Variants in DRC3 observed in about 807,000 individuals in gnomAD.
The protein encoded by DRC3 is leucine rich repeat containing 48.
DRC3 carries 45 observed loss-of-function variants against 57.6 expected under a neutral mutation model. The observed-to-expected ratio is 0.78, with a 90% confidence interval of 0.62 to 1.00. The LOEUF (loss-of-function observed/expected upper bound fraction) is 1.00, where lower values mean the gene tolerates loss of function less well. Among genes scored for constraint, DRC3 ranks in the 50% least tolerant of loss-of-function variants. The pLI is 0.00. For synonymous variants in DRC3, 257 were observed against 272.3 expected (o/e 0.94, Z 0.55); for missense variants, 655 against 675.2 (o/e 0.97, Z 0.33).
chr17:18,013,363 AC>A (rs1261220624), intron 12 of DRC3, among the ~76,000 whole-genome samples: 1 of 152,220 alleles, frequency 6.6e-6, no homozygotes, highest in African/African-American at 2.4e-5. Context: ...TTACTGCAGC[AC>A]TGTTCGCAAT....
At position 17,980,243 on chromosome 17, in the gene DRC3, GT is replaced by G. The variant is rs925462163; in HGVS notation, c.160+2495del. Among the ~76,000 whole-genome samples, 1,278 of 148,736 alleles carry G rather than the reference GT, an allele frequency of 8.6e-3. 23 individuals carry two copies. The highest frequency in any genetic ancestry group is 0.029 in the African/African-American group (1,162 of 40,606). ...TATTGAAACGGCAGCTGGACTGTAT[GT>G]TTTTTTTTTGTTTGTTTGTTTGTTT... On this transcript the variant is annotated intron_variant, in intron 3 of 13. Transcript: ENST00000399187.
intron 4 of DRC3, among the ~76,000 whole-genome samples, chr17:17,985,002 C>T (rs1301932501): frequency 6.6e-6 from 1 of 152,110 alleles, no homozygotes; most frequent in Non-Finnish European, 1.5e-5. Context: ...CAGCCAGGTC[C>T]TCTCACACCT....
chr17:17,987,814 TG>T, intron 4 of DRC3, 117 bp from the exon 5 acceptor site: 1 of 1,018,520 alleles, frequency 9.8e-7, no homozygotes. Context: ...AGTCAAATTC[TG>T]GCCCTGGCAG....
Position 17,994,879 on chromosome 17 carries a change from A to G in DRC3, c.712-120A>G, listed in dbSNP as rs982966187. ...CAGTTTTATGCCTCTGCACCTCTGC[A>G]CATGCCATTCTCTTTGTCTGGAACA... On this transcript the variant is annotated intron_variant, in intron 7 of 13. Coordinates refer to ENST00000399187, the MANE Select transcript of DRC3 (RefSeq NM_031294.4). The G allele has an allele frequency of 4.3e-6, 3 of 690,946 alleles. No individual in the cohort carries two copies. In the African/African-American group the frequency reaches 5.3e-5, roughly 12 times the overall value. 42.8% of individuals were successfully genotyped at this position (690,946 alleles called of 1,614,324 possible). A position where few individuals can be genotyped will look rare whatever the true frequency, so the allele number is the denominator to read the frequency against.
chr17:17,998,626 G>A (rs1470738765), intron 9 of DRC3, among the ~76,000 whole-genome samples: 7 of 152,128 alleles, frequency 4.6e-5, no homozygotes, highest in African/African-American at 1.4e-4. Flanking sequence ...GTCCCTCGAT[G>A]CGCAACTTCA....
chr17:17,984,024 A>G (rs1171040526), intron 4 of DRC3, 80 bp downstream of exon 4: 1 of 870,258 alleles, frequency 1.1e-6, no homozygotes, highest in African/African-American at 1.7e-5. Flanking sequence ...GGAGACAATA[A>G]TTGTGTGCGA....
intron 2 of DRC3, among the ~76,000 whole-genome samples, chr17:17,976,797 A>G (rs2042408183): frequency 1.3e-5 from 2 of 152,352 alleles, no homozygotes; most frequent in South Asian, 4.1e-4. Flanking sequence ...GGGACTGGAA[A>G]GCCAGCAAGA....
intron 3 of DRC3, among the ~76,000 whole-genome samples, chr17:17,979,425 T>C (rs2042546096): frequency 6.6e-6 from 1 of 152,058 alleles, no homozygotes; most frequent in South Asian, 2.1e-4. Context: ...GAGGCAAGGA[T>C]CTAGTAAGAT....
In DRC3 at chr17:18,004,414, A is replaced by G; in HGVS notation, c.1051A>G (p.Ile351Val). 1 of 1,609,096 alleles carries G rather than the reference A, an allele frequency of 6.2e-7. No homozygotes were observed. Among genetic ancestry groups the G allele is most frequent in the South Asian group, 1.1e-5 (1 of 89,760 alleles). ...GGAACTGCCCAACATTGAGAAGATG[A>G]TCCTAGAATGCAGTGCTGACATCAG... ...ELELPNIEKM[I>V]LECSADISEL... is the part of the protein sequence containing the mutation. Residue 351 changes from isoleucine to valine, a missense_variant, in exon 10 of 14, where the codon ATC becomes GTC. Transcript: ENST00000399187.
chr17:17,982,755 T>C (rs989379965), intron 3 of DRC3, among the ~76,000 whole-genome samples: 17 of 151,660 alleles, frequency 1.1e-4, no homozygotes. Flanking sequence ...TTTGTATCTT[T>C]AGCAGAGACA....
intron 9 of DRC3, among the ~76,000 whole-genome samples, chr17:18,001,778 T>A (rs2043743014): frequency 6.6e-6 from 1 of 152,106 alleles, no homozygotes. Context: ...AGTAAATACA[T>A]AAATAAATTT....
chr17:17,996,554 A>G (rs2043466520), intron 8 of DRC3, among the ~76,000 whole-genome samples: 1 of 152,216 alleles, frequency 6.6e-6, no homozygotes, highest in South Asian at 2.1e-4. Flanking sequence ...GGTTCCTCCC[A>G]CAACACATGG....
chr17:17,977,776 A>G lies in DRC3; in HGVS notation c.160+18A>G. 6 of 1,562,850 alleles carry G rather than the reference A, an allele frequency of 3.8e-6. No homozygotes were observed. The highest frequency in any genetic ancestry group is 8.7e-7 in the Non-Finnish European group (1 of 1,152,752). On this transcript the variant is annotated intron_variant, in intron 3 of 13. Transcript: ENST00000399187. ...CTTTCGGAGTATGTATCCAAGGTTC[A>G]GGGGTGGTGGCCAGGGTGGGCCCTC...
chr17:17,998,405 CTT>C (rs1377908096), intron 9 of DRC3, among the ~76,000 whole-genome samples: 1 of 152,184 alleles, frequency 6.6e-6, no homozygotes, highest in Non-Finnish European at 1.5e-5. Context: ...GCAACTGCCT[CTT>C]TGAGTTGGCA....
At chr17:17,979,399 G>A (rs545833212) in intron 3 of DRC3, among the ~76,000 whole-genome samples, 89 of 152,290 alleles carry the variant, frequency 5.8e-4, no homozygotes, top group East Asian at 1.2e-3. Context: ...AGGATAGACC[G>A]TGGAGGCCAG....
chr17:18,005,454 G>A (rs2145417201), intron 10 of DRC3: 1 of 152,434 alleles, frequency 6.6e-6, no homozygotes, highest in Middle Eastern at 3.4e-3. Flanking sequence ...ATGGGAGTGG[G>A]GCACTCCGAG....
rs776529711 is a variant in DRC3, at chr17:18,002,491, A to AC, written c.1000-1867dup. 3.9e-5 allele frequency among the ~76,000 whole-genome samples: 6 copies of AC among 152,048 alleles called. No individual in the cohort carries two copies. The South Asian group carries it at 1.2e-3, about 32-fold the overall frequency. On this transcript the variant is annotated intron_variant, in intron 9 of 13. Coordinates refer to ENST00000399187, the MANE Select transcript of DRC3 (RefSeq NM_031294.4). ...CCAGGTTGCCATATACCCTCTGAGCACCCCCTCATTCCAAAGGGCTCAGCA... is the reference window on the plus strand; with the variant it reads ...CCAGGTTGCCATATACCCTCTGAGCACCCCCCTCATTCCAAAGGGCTCAGCA...
At chr17:18,002,653 C>G (rs8077701) in intron 9 of DRC3, among the ~76,000 whole-genome samples, 2,416 of 152,246 alleles carry the variant, frequency 0.016, 69 homozygotes, top group African/African-American at 0.055. Flanking sequence ...TAGGAGACTC[C>G]GGTAGCCGAG....
At position 17,997,591 on chromosome 17, in the gene DRC3, A is replaced by G; in HGVS notation, c.956A>G (p.Gln319Arg). Residue 319 changes from glutamine (Q) to arginine (R), a missense_variant, in exon 9 of 14, where the codon CAG becomes CGG. By Grantham distance (43) the Gln-to-Arg change is conservative. Coordinates refer to ENST00000399187, the MANE Select transcript of DRC3 (RefSeq NM_031294.4). ...VREAIQENQE[Q>R]GKRKIAKFEE... ...GAGGCCATCCAGGAAAACCAGGAGCAGGGCAAACGCAAGATTGCCAAATTC... is the reference window on the plus strand; with the variant it reads ...GAGGCCATCCAGGAAAACCAGGAGCGGGGCAAACGCAAGATTGCCAAATTC... 1 of 1,611,056 alleles carries G rather than the reference A, an allele frequency of 6.2e-7. No homozygotes were observed. The highest frequency in any genetic ancestry group is 8.5e-7 in the Non-Finnish European group (1 of 1,178,712).
Sources: gnomAD v4.1 joint callset for allele counts (sites outside exome capture counted in the v4.1 genomes callset) on GRCh38, gnomAD v4.1.1 for gene constraint, MANE v1.5 for transcripts, NCBI Gene and HGNC (gene_info 2026-07-23, HGNC 2026-07-21) for gene names.